Variants in GLCCI1 observed in about 807,000 individuals in gnomAD.
The protein encoded by GLCCI1 is glucocorticoid-induced transcript 1 protein.
A neutral mutation model predicts 52.2 loss-of-function variants in GLCCI1; 24 were observed. The observed-to-expected ratio is 0.46, with a 90% CI of 0.33 to 0.65. The LOEUF (loss-of-function observed/expected upper bound fraction) is 0.65. GLCCI1 is among the 30% of genes least tolerant of loss of function. GLCCI1 has a pLI of 0.02. For missense variants in GLCCI1, 704 were observed against 701.5 expected (o/e 1.00, Z -0.04); for synonymous variants, 310 against 276.5 (o/e 1.12, Z -1.20).
At chr7:7,978,243 A>G (rs1311845872) in intron 1 of GLCCI1, among the ~76,000 whole-genome samples, 1 of 152,112 alleles carries the variant, frequency 6.6e-6, no homozygotes, top group Non-Finnish European at 1.5e-5. Flanking sequence ...TTTTTTGTGT[A>G]TTCATATTTG....
At chr7:7,979,392 A>T (rs1307150329) in intron 1 of GLCCI1, among the ~76,000 whole-genome samples, 2 of 152,104 alleles carry the variant, frequency 1.3e-5, no homozygotes, top group Non-Finnish European at 2.9e-5. Flanking sequence ...GAAATATGCT[A>T]TTGTCACTGA....
intron 3 of GLCCI1, among the ~76,000 whole-genome samples, chr7:8,032,527 CAAATTACCAACTTCAGAAGTG>C (rs1370244795): frequency 1.3e-5 from 2 of 151,922 alleles, no homozygotes; most frequent in Admixed American, 1.3e-4. Context: ...AAAGCAGACC[CAAATTACCAACTTCAGAAGTG>C]AAAGAGGTGA....
chr7:8,062,125 G>A (rs1395556387), intron 5 of GLCCI1, among the ~76,000 whole-genome samples: 2 of 152,102 alleles, frequency 1.3e-5, no homozygotes, highest in African/African-American at 4.8e-5. Context: ...TAAAAAACTT[G>A]GTAAGGTACC....
intron 3 of GLCCI1, among the ~76,000 whole-genome samples, chr7:8,042,075 C>G (rs1314585309): frequency 1.3e-5 from 2 of 152,002 alleles, no homozygotes; most frequent in African/African-American, 4.8e-5. Flanking sequence ...ACATACTGCT[C>G]AAAAAAGGAA....
At chr7:7,984,570 A>G (rs1780684992) in intron 1 of GLCCI1, among the ~76,000 whole-genome samples, 1 of 152,228 alleles carries the variant, frequency 6.6e-6, no homozygotes, top group Middle Eastern at 3.2e-3. Flanking sequence ...TATTTGCTCT[A>G]CGCAATATCT....
chr7:8,013,810 T>C lies in GLCCI1; in HGVS notation c.610-8673T>C, dbSNP rs868080819. Among the ~76,000 whole-genome samples, 36 of 152,290 alleles carry C rather than the reference T, an allele frequency of 2.4e-4. No homozygotes were observed. The Middle Eastern group carries it at 0.01, about 43-fold the overall frequency. On this transcript the variant is annotated intron_variant, in intron 2 of 7. Transcript: ENST00000223145. ...ACATACAGGACATCTTCAACTTGAC[T>C]TTTCTTGTTTCTAGTAATTTTTAGG...
chr7:7,981,046 A>T (rs1583942639), intron 1 of GLCCI1: 1 of 484,220 alleles, frequency 2.1e-6, no homozygotes, highest in African/African-American at 2.0e-5. Flanking sequence ...AAAAGAAGCT[A>T]AAACTCAGGC....
intron 7 of GLCCI1, 62 bp downstream of exon 7, chr7:8,085,079 AG>A (rs1783074978): frequency 6.3e-7 from 1 of 1,581,578 alleles, no homozygotes; most frequent in Non-Finnish European, 8.6e-7. Flanking sequence ...TACTGAGACC[AG>A]TTGATTACAT....
chr7:8,007,781 TA>T, intron 2 of GLCCI1, among the ~76,000 whole-genome samples: 1 of 152,258 alleles, frequency 6.6e-6, no homozygotes, highest in East Asian at 1.9e-4. Flanking sequence ...CTGTTTCAAC[TA>T]CCTTAATTAT....
intron 5 of GLCCI1, among the ~76,000 whole-genome samples, chr7:8,066,562 A>G (rs988225788): frequency 2.7e-5 from 4 of 147,556 alleles, no homozygotes; most frequent in African/African-American, 1.0e-4. Context: ...GCTGTGTCCC[A>G]TAGAATCTAG....
intron 3 of GLCCI1, among the ~76,000 whole-genome samples, chr7:8,054,074 G>C (rs1782329595): frequency 6.6e-6 from 1 of 152,056 alleles, no homozygotes; most frequent in Middle Eastern, 3.2e-3. Context: ...AGTAAGTACA[G>C]ATTATATTAT....
At chr7:8,067,773 C>A (rs1264259164) in intron 5 of GLCCI1, among the ~76,000 whole-genome samples, 1 of 152,120 alleles carries the variant, frequency 6.6e-6, no homozygotes, top group Admixed American at 6.5e-5. Context: ...TCTCCAGCTG[C>A]CTTTAACATT....
chr7:8,063,614 CCT>C (rs1782564102), intron 5 of GLCCI1, among the ~76,000 whole-genome samples: 1 of 139,926 alleles, frequency 7.1e-6, no homozygotes, highest in African/African-American at 2.6e-5. Flanking sequence ...CACTTTTCTT[CCT>C]TTTTTTTTTT....
At chr7:7,990,126 AT>A (rs1223178987) in intron 1 of GLCCI1, among the ~76,000 whole-genome samples, 1 of 152,104 alleles carries the variant, frequency 6.6e-6, no homozygotes, top group Non-Finnish European at 1.5e-5. Context: ...AGTCCAGTAC[AT>A]CTGGAGGTAT....
At chr7:8,015,148 T>C (rs1173603807) in intron 2 of GLCCI1, among the ~76,000 whole-genome samples, 1 of 152,262 alleles carries the variant, frequency 6.6e-6, no homozygotes, top group Non-Finnish European at 1.5e-5. Flanking sequence ...ACATATATAT[T>C]CTTTTCTGTT....
chr7:8,018,429 C>T (rs1031539638), intron 2 of GLCCI1, among the ~76,000 whole-genome samples: 2 of 152,066 alleles, frequency 1.3e-5, no homozygotes, highest in African/African-American at 4.8e-5. Flanking sequence ...ATAACAAAAG[C>T]ACCCAGTATT....
intron 3 of GLCCI1, among the ~76,000 whole-genome samples, chr7:8,043,030 G>C (rs1490094670): frequency 1.3e-5 from 2 of 152,188 alleles, no homozygotes; most frequent in African/African-American, 4.8e-5. Flanking sequence ...TGATCAGTCA[G>C]CTAACATCTA....
intron 3 of GLCCI1, among the ~76,000 whole-genome samples, chr7:8,042,818 A>G (rs1313606295): frequency 6.6e-6 from 1 of 152,246 alleles, no homozygotes; most frequent in African/African-American, 2.4e-5. Flanking sequence ...AGAATATTAC[A>G]TAAACCTAGT....
At chr7:7,978,589 G>A (rs774216934) in intron 1 of GLCCI1, among the ~76,000 whole-genome samples, 6 of 152,070 alleles carry the variant, frequency 3.9e-5, no homozygotes, top group African/African-American at 9.7e-5. Context: ...ATGTGGAAAC[G>A]ATTTTCTTTT....
Sources: allele counts gnomAD v4.1 joint callset (sites outside exome capture counted in the v4.1 genomes callset), GRCh38; gene constraint gnomAD v4.1.1; transcripts MANE v1.5; gene names NCBI Gene and HGNC (gene_info 2026-07-23, HGNC 2026-07-21).